The following TENM3 variants were observed in gnomAD, a reference collection of about 807,000 sequenced individuals.
TENM3 encodes teneurin transmembrane protein 3.
Under a neutral mutation model 255.1 loss-of-function variants are expected in TENM3, and 63 were observed. That is an observed-to-expected ratio of 0.25 (90% CI 0.20 to 0.30). TENM3 has a LOEUF of 0.30. TENM3 is among the 10% of genes least tolerant of loss of function. TENM3 has a pLI of 1.00. For synonymous variants in TENM3, 1,306 were observed against 1,322.3 expected, an observed-to-expected ratio of 0.99 and a Z score of 0.27; for missense variants, 2,929 against 3,461.1, an observed-to-expected ratio of 0.85 and a Z score of 3.86.
At chr4:182,706,170 T>TC (rs1167120240) in intron 12 of TENM3, among the ~76,000 whole-genome samples, 2 of 152,186 alleles carry the variant, frequency 1.3e-5, no homozygotes, top group African/African-American at 4.8e-5. Flanking sequence ...TTCTGGTTCT[T>TC]CTGAGTTGTA....
the TENM3 span, among the ~76,000 whole-genome samples, chr4:181,506,025 T>C: frequency 6.6e-6 from 1 of 152,162 alleles, no homozygotes; most frequent in African/African-American, 2.4e-5. Context: ...TAAAAAACGT[T>C]TTACTTTTTA....
intron 3 of TENM3, among the ~76,000 whole-genome samples, chr4:182,374,422 T>C (rs1767043742): frequency 1.3e-5 from 2 of 152,224 alleles, no homozygotes; most frequent in African/African-American, 4.8e-5. Flanking sequence ...AAAATAAGTT[T>C]TTAAAATATA....
intron 1 of TENM3, among the ~76,000 whole-genome samples, chr4:182,198,293 C>T (rs538395606): frequency 2.6e-5 from 4 of 152,112 alleles, no homozygotes; most frequent in Admixed American, 6.6e-5. Flanking sequence ...GAGATGGCTT[C>T]GTTTATCAGC....
At chr4:182,284,617 C>T (rs907340414) in intron 1 of TENM3, among the ~76,000 whole-genome samples, 4 of 152,000 alleles carry the variant, frequency 2.6e-5, no homozygotes, top group Non-Finnish European at 5.9e-5. Context: ...AACGCTGTTA[C>T]GAAGCTGTCA....
the TENM3 span, among the ~76,000 whole-genome samples, chr4:181,883,057 T>C: frequency 6.6e-6 from 1 of 151,862 alleles, no homozygotes; most frequent in Admixed American, 6.6e-5. Flanking sequence ...AGTAATGGCA[T>C]GTTTTGTGTT....
rs552161048 is a variant in TENM3 at position 182,284,172 on chromosome 4, C to T, written c.-75-39774C>T. ...AGGTTAGGGTTTTATTTCAGGGTTACCAAAACCTGCCTCTCTCCTCTGACT... is the reference window on the plus strand; with the variant it reads ...AGGTTAGGGTTTTATTTCAGGGTTATCAAAACCTGCCTCTCTCCTCTGACT... On this transcript the variant is annotated intron_variant, in intron 1 of 27. Transcript: ENST00000511685. Among the ~76,000 whole-genome samples the T allele has an allele frequency of 3.9e-3, 588 of 152,210 alleles. 4 individuals carry two copies. The highest frequency in any genetic ancestry group is 0.014 in the African/African-American group (567 of 41,536).
chr4:181,779,776 AT>A, the TENM3 span, among the ~76,000 whole-genome samples: 1 of 151,926 alleles, frequency 6.6e-6, no homozygotes, highest in African/African-American at 2.4e-5. Flanking sequence ...TCCTAATGCT[AT>A]TCCTTCCCAC....
the TENM3 span, among the ~76,000 whole-genome samples, chr4:182,030,637 A>G: frequency 1.3e-5 from 2 of 152,166 alleles, no homozygotes; most frequent in African/African-American, 4.8e-5. Context: ...TTCTGGTTCT[A>G]GGTCTTTGAG....
At chr4:182,421,601 A>G (rs1770836984) in intron 3 of TENM3, among the ~76,000 whole-genome samples, 1 of 152,198 alleles carries the variant, frequency 6.6e-6, no homozygotes, top group Admixed American at 6.5e-5. Flanking sequence ...TTTGTGCAAG[A>G]AGAGCAAGCA....
intron 3 of TENM3, among the ~76,000 whole-genome samples, chr4:182,592,476 C>T (rs1206083197): frequency 1.3e-5 from 2 of 152,210 alleles, no homozygotes; most frequent in African/African-American, 2.4e-5. Flanking sequence ...GTAATCCTAG[C>T]GCTTTGGGAG....
chr4:182,767,533 CTGTT>C (rs1763820849), intron 22 of TENM3, among the ~76,000 whole-genome samples: 1 of 152,066 alleles, frequency 6.6e-6, no homozygotes, highest in East Asian at 1.9e-4. Context: ...CTACGCAACT[CTGTT>C]AGATGGAAGA....
At chr4:181,503,925 CT>C in the TENM3 span, among the ~76,000 whole-genome samples, 1 of 152,188 alleles carries the variant, frequency 6.6e-6, no homozygotes, top group African/African-American at 2.4e-5. Context: ...CTGGAAGTGT[CT>C]CCAAGCAGTG....
chr4:181,547,973 C>A, the TENM3 span, among the ~76,000 whole-genome samples: 1 of 151,842 alleles, frequency 6.6e-6, no homozygotes, highest in Non-Finnish European at 1.5e-5. Context: ...CCCCACCCCA[C>A]AACAGGCCCT....
At chr4:182,688,114 C>G in intron 11 of TENM3, 52 bp from the exon 12 acceptor site, 1 of 1,460,632 alleles carries the variant, frequency 6.8e-7, no homozygotes, top group Non-Finnish European at 9.2e-7. Flanking sequence ...AATTCCCCTT[C>G]TCTCTCCCGC....
At chr4:182,529,473 T>C (rs1560879390) in intron 3 of TENM3, among the ~76,000 whole-genome samples, 1 of 152,314 alleles carries the variant, frequency 6.6e-6, no homozygotes, top group East Asian at 1.9e-4. Flanking sequence ...TTGCCCCCAC[T>C]AACTTTTAGT....
At chr4:181,759,821 ATACT>A in the TENM3 span, among the ~76,000 whole-genome samples, 1 of 151,888 alleles carries the variant, frequency 6.6e-6, no homozygotes, top group Non-Finnish European at 1.5e-5. Flanking sequence ...CAATTACATC[ATACT>A]TACATCAAGA....
intron 1 of TENM3, among the ~76,000 whole-genome samples, chr4:182,313,406 A>G (rs80171593): frequency 0.017 from 2,553 of 152,142 alleles, 75 homozygotes; most frequent in African/African-American, 0.058. Context: ...TCTGTTCATT[A>G]TACTAAAAAT....
At chr4:182,473,833 C>G (rs559307064) in intron 3 of TENM3, among the ~76,000 whole-genome samples, 18 of 152,114 alleles carry the variant, frequency 1.2e-4, no homozygotes, top group Admixed American at 2.6e-4. Context: ...TTGGCACCAC[C>G]TGTAGTCCCA....
At chr4:182,365,172 C>T (rs1365737031) in intron 3 of TENM3, among the ~76,000 whole-genome samples, 3 of 152,204 alleles carry the variant, frequency 2.0e-5, no homozygotes, top group Non-Finnish European at 4.4e-5. Context: ...TACATTTTCA[C>T]ATGTATGTAC....
Sources: allele counts gnomAD v4.1 joint callset (sites outside exome capture counted in the v4.1 genomes callset), GRCh38; gene constraint gnomAD v4.1.1; transcripts MANE v1.5; gene names NCBI Gene and HGNC (gene_info 2026-07-23, HGNC 2026-07-21).